The following KCND3 variants were observed in gnomAD, a reference collection of about 807,000 sequenced individuals.
KCND3 encodes the protein A-type voltage-gated potassium channel KCND3.
A neutral mutation model predicts 51.1 loss-of-function variants in KCND3; 9 were observed. The observed-to-expected ratio is 0.18, with a 90% CI of 0.11 to 0.31. The LOEUF (loss-of-function observed/expected upper bound fraction) is 0.31. Among genes scored for constraint, KCND3 ranks in the 10% least tolerant of loss-of-function variants. The pLI is 1.00. For synonymous variants in KCND3, 349 were observed against 368.0 expected, an observed-to-expected ratio of 0.95 and a Z score of 0.59; for missense variants, 526 against 903.8, an observed-to-expected ratio of 0.58 and a Z score of 5.36.
At chr1:111,900,713 T>C (rs1670343380) in intron 2 of KCND3, among the ~76,000 whole-genome samples, 1 of 151,744 alleles carries the variant, frequency 6.6e-6, no homozygotes, top group Non-Finnish European at 1.5e-5. Context: ...ATCCAGCATT[T>C]TGGGAGGCCG....
At chr1:111,950,451 C>G (rs892647669) in intron 2 of KCND3, among the ~76,000 whole-genome samples, 3 of 152,118 alleles carry the variant, frequency 2.0e-5, no homozygotes, top group African/African-American at 7.2e-5. Flanking sequence ...CCCTGAGGAC[C>G]GGCACCTGAC....
Position 111,780,881 on chromosome 1 carries a change from G to A in KCND3, c.1270-90C>T. On this transcript the variant is annotated intron_variant, in intron 3 of 7. Transcript: ENST00000302127. This position sits in a 1 kb window ranked among gnomAD's most constrained non-coding sequence, Gnocchi z 4.2. ...TGAAGCTGTGAGGCTGGCTTCCCAGGTGACACCTGATGAAGGGGATGAGGC... is the reference window on the plus strand; with the variant it reads ...TGAAGCTGTGAGGCTGGCTTCCCAGATGACACCTGATGAAGGGGATGAGGC... 9.6e-7 allele frequency: 1 copy of A among 1,044,990 alleles called. No homozygotes were observed. 64.7% of individuals were successfully genotyped at this position (1,044,990 alleles called of 1,614,324 possible).
At chr1:111,969,481 G>A (rs1674204987) in intron 2 of KCND3, among the ~76,000 whole-genome samples, 1 of 152,224 alleles carries the variant, frequency 6.6e-6, no homozygotes, top group Non-Finnish European at 1.5e-5. Flanking sequence ...TCAGCTCACT[G>A]CCAGTCTGAA....
intron 2 of KCND3, among the ~76,000 whole-genome samples, chr1:111,876,736 CA>C (rs1463068784): frequency 6.6e-6 from 1 of 152,194 alleles, no homozygotes; most frequent in African/African-American, 2.4e-5. Flanking sequence ...AGCCTCTCCC[CA>C]AGGCAGAGAA....
chr1:111,782,559 C>G (rs1281885685), intron 3 of KCND3, among the ~76,000 whole-genome samples: 1 of 152,174 alleles, frequency 6.6e-6, no homozygotes, highest in Admixed American at 6.5e-5. Context: ...CAAGCAAGTT[C>G]CTCATCATTT....
At chr1:111,925,282 T>C (rs1671653140) in intron 2 of KCND3, among the ~76,000 whole-genome samples, 1 of 152,204 alleles carries the variant, frequency 6.6e-6, no homozygotes, top group Admixed American at 6.5e-5. Flanking sequence ...CTCATTTCAT[T>C]TTCACAAGAC....
At chr1:111,966,048 C>G (rs183389057) in intron 2 of KCND3, among the ~76,000 whole-genome samples, 113 of 152,250 alleles carry the variant, frequency 7.4e-4, no homozygotes, top group African/African-American at 2.6e-3. Context: ...TCACCTGGCT[C>G]ACCCCACCAA....
At chr1:111,866,363 C>T (rs1668573845) in intron 2 of KCND3, among the ~76,000 whole-genome samples, 1 of 150,182 alleles carries the variant, frequency 6.7e-6, no homozygotes, top group Non-Finnish European at 1.5e-5. Flanking sequence ...CTCCCAGGCT[C>T]AAGCCAACCT....
intron 2 of KCND3, among the ~76,000 whole-genome samples, chr1:111,914,272 T>TAAAAA: frequency 7.2e-6 from 1 of 138,790 alleles, no homozygotes; most frequent in Admixed American, 7.1e-5. Context: ...GAAAAAAGAT[T>TAAAAA]AAAAAAAAAA....
chr1:111,972,891 A>G (rs894844), intron 2 of KCND3, among the ~76,000 whole-genome samples: 150,392 of 152,362 alleles, frequency 0.99, 74,249 homozygotes, highest in East Asian at 1. Flanking sequence ...TTTTGATATC[A>G]TTTAGTTTAA....
intron 3 of KCND3, 49 bp downstream of exon 3, chr1:111,786,895 T>TC (rs1193638065): frequency 1.2e-6 from 2 of 1,609,360 alleles, no homozygotes; most frequent in Non-Finnish European, 1.7e-6. Flanking sequence ...TGACTGGTGC[T>TC]CCCCCGCATC....
rs147465880 is a variant in KCND3 at position 111,945,835 on chromosome 1, G to A, written c.1106+35786C>T. ...CCCACACCAATTAGGGTCCTCTGAG[G>A]TCTTGGTGCACTGGCCCTGCAGCCT... On this transcript the variant is annotated intron_variant, in intron 2 of 7. Transcript: ENST00000302127. Among the ~76,000 whole-genome samples, 506 of 152,304 alleles carry A rather than the reference G, an allele frequency of 3.3e-3. 1 individual carries two copies. The highest frequency in any genetic ancestry group is 0.014 in the Middle Eastern group (4 of 294).
At chr1:111,942,396 G>A (rs565621260) in intron 2 of KCND3, among the ~76,000 whole-genome samples, 17 of 152,306 alleles carry the variant, frequency 1.1e-4, no homozygotes, top group Admixed American at 4.6e-4. Flanking sequence ...TGACTGGGGC[G>A]CTGTGCCATA....
intron 2 of KCND3, among the ~76,000 whole-genome samples, chr1:111,806,395 C>T (rs971533399): frequency 3.9e-5 from 6 of 152,194 alleles, no homozygotes; most frequent in Admixed American, 3.9e-4. Flanking sequence ...TCCTCTTTTC[C>T]ATTCCCAAGC....
At chr1:111,972,739 C>A (rs935960386) in intron 2 of KCND3, among the ~76,000 whole-genome samples, 1 of 152,218 alleles carries the variant, frequency 6.6e-6, no homozygotes. Context: ...CAATTCCCCA[C>A]TATATTGACA....
At chr1:111,928,091 A>T (rs201683801) in intron 2 of KCND3, among the ~76,000 whole-genome samples, 2 of 151,406 alleles carry the variant, frequency 1.3e-5, no homozygotes, top group Non-Finnish European at 2.9e-5. Context: ...CTGACTTTTT[A>T]ATTTTTTTTT....
chr1:111,877,541 G>C (rs1009102954), intron 2 of KCND3, among the ~76,000 whole-genome samples: 5 of 152,238 alleles, frequency 3.3e-5, no homozygotes, highest in African/African-American at 1.2e-4. Context: ...CCAGGGAAGA[G>C]AGGAGTGTGG....
rs527276597 is a variant in KCND3, at chr1:111,961,975, G to T, written c.1106+19646C>A. 2.0e-5 allele frequency among the ~76,000 whole-genome samples: 3 copies of T among 152,206 alleles called. No homozygotes were observed. The South Asian group carries it at 6.2e-4, about 32-fold the overall frequency. On this transcript the variant is annotated intron_variant, in intron 2 of 7. Coordinates refer to ENST00000302127, the MANE Select transcript of KCND3 (RefSeq NM_001378969.1). ...TTTCTCTGGCCCGAGTTGCTGGCAC[G>T]CCATCTGGTATTCCTGGGTGAGCCA...
chr1:111,980,713 T>C (rs566786166), intron 2 of KCND3, among the ~76,000 whole-genome samples: 1 of 152,314 alleles, frequency 6.6e-6, no homozygotes, highest in East Asian at 1.9e-4. Context: ...CCACCTTTAT[T>C]GGCTATAATC....
Sources: gnomAD v4.1 joint callset for allele counts (sites outside exome capture counted in the v4.1 genomes callset) on GRCh38, gnomAD v4.1.1 for gene constraint, Gnocchi (gnomAD v3.1) non-coding constraint, MANE v1.5 for transcripts, NCBI Gene and HGNC (gene_info 2026-07-23, HGNC 2026-07-21) for gene names.